CTNNA2: variants seen among roughly 807,000 people sequenced by gnomAD.
CTNNA2 encodes the protein catenin alpha 2.
Under a neutral mutation model 101.0 loss-of-function variants are expected in CTNNA2, and 42 were observed. That is an observed-to-expected ratio of 0.42 (90% confidence interval 0.32 to 0.54). The LOEUF is 0.54. CTNNA2 is among the 20% of genes least tolerant of loss of function. The pLI is 0.14. For synonymous variants in CTNNA2, 450 were observed against 456.4 expected, an observed-to-expected ratio of 0.99 and a Z score of 0.18; for missense variants, 871 against 1,223.1, an observed-to-expected ratio of 0.71 and a Z score of 4.29.
At chr2:79,571,563 G>C (rs1675460514) in intron 1 of CTNNA2, among the ~76,000 whole-genome samples, 1 of 152,026 alleles carries the variant, frequency 6.6e-6, no homozygotes, top group East Asian at 1.9e-4. Flanking sequence ...CTTCCTAACT[G>C]ATCTTTCTTC....
At chr2:79,840,996 C>G (rs1215142081) in intron 3 of CTNNA2, among the ~76,000 whole-genome samples, 3 of 152,228 alleles carry the variant, frequency 2.0e-5, no homozygotes, top group African/African-American at 7.2e-5. Context: ...GTCTTGATCT[C>G]CTGACCTCGT....
chr2:80,306,003 A>G (rs2149216253), intron 7 of CTNNA2, among the ~76,000 whole-genome samples: 1 of 152,364 alleles, frequency 6.6e-6, no homozygotes, highest in East Asian at 1.9e-4. Context: ...TACCAGAGCC[A>G]GGGTAGATAG....
intron 4 of CTNNA2, among the ~76,000 whole-genome samples, chr2:79,412,954 T>C (rs1678433826): frequency 6.6e-6 from 1 of 152,126 alleles, no homozygotes; most frequent in South Asian, 2.1e-4. Context: ...TATTTAATTC[T>C]TACAATAACA....
chr2:79,686,861 A>C (rs940582609), intron 2 of CTNNA2, among the ~76,000 whole-genome samples: 3 of 152,118 alleles, frequency 2.0e-5, no homozygotes, highest in Non-Finnish European at 2.9e-5. Flanking sequence ...CCTGAGAGAT[A>C]ATTAGAACTT....
At chr2:79,739,491 T>C in intron 2 of CTNNA2, among the ~76,000 whole-genome samples, 1 of 152,232 alleles carries the variant, frequency 6.6e-6, no homozygotes, top group Admixed American at 6.5e-5. Flanking sequence ...TCTGTCAAGC[T>C]CTTTCATTCA....
chr2:79,546,759 A>T (rs1294676244), intron 1 of CTNNA2, among the ~76,000 whole-genome samples: 1 of 152,176 alleles, frequency 6.6e-6, no homozygotes. Context: ...ATACTGATTG[A>T]TTGTACATTA....
At chr2:79,443,573 A>G (rs1032193852) in intron 4 of CTNNA2, among the ~76,000 whole-genome samples, 1 of 152,276 alleles carries the variant, frequency 6.6e-6, no homozygotes, top group Admixed American at 6.5e-5. Context: ...AGCCCAGTCA[A>G]GTTGACACAT....
At chr2:80,317,952 T>C (rs188104171) in intron 7 of CTNNA2, among the ~76,000 whole-genome samples, 1 of 152,246 alleles carries the variant, frequency 6.6e-6, no homozygotes, top group African/African-American at 2.4e-5. Flanking sequence ...TTCCATATTC[T>C]CTAGCCTCTG....
chr2:79,382,115 A>C (rs1678046402), intron 4 of CTNNA2, among the ~76,000 whole-genome samples: 1 of 152,052 alleles, frequency 6.6e-6, no homozygotes, highest in Non-Finnish European at 1.5e-5. Flanking sequence ...CAAGTAGAAC[A>C]AAAAGGTGGA....
intron 15 of CTNNA2, among the ~76,000 whole-genome samples, chr2:80,593,107 A>G (rs1241226976): frequency 6.6e-6 from 1 of 152,178 alleles, no homozygotes; most frequent in Non-Finnish European, 1.5e-5. Context: ...AACATACTCC[A>G]GATGGGACAA....
At chr2:79,606,791 A>G (rs1324070444) in intron 1 of CTNNA2, among the ~76,000 whole-genome samples, 2 of 152,222 alleles carry the variant, frequency 1.3e-5, no homozygotes, top group African/African-American at 4.8e-5. Flanking sequence ...ATGATGAACT[A>G]AACAATGTTA....
chr2:80,092,306 A>C (rs1699838949), intron 7 of CTNNA2, among the ~76,000 whole-genome samples: 1 of 152,158 alleles, frequency 6.6e-6, no homozygotes, highest in Non-Finnish European at 1.5e-5. Flanking sequence ...CCTCATCAGT[A>C]GGAGTCAAAG....
intron 7 of CTNNA2, among the ~76,000 whole-genome samples, chr2:80,129,300 G>T (rs1702292271): frequency 6.6e-6 from 1 of 152,196 alleles, no homozygotes; most frequent in South Asian, 2.1e-4. Flanking sequence ...CATTAAGCAG[G>T]AATTACCACT....
chr2:80,503,506 G>A (rs1443694925), intron 9 of CTNNA2, among the ~76,000 whole-genome samples: 1 of 152,138 alleles, frequency 6.6e-6, no homozygotes, highest in Non-Finnish European at 1.5e-5. Context: ...AGTGGGAGAT[G>A]GGGAGCCCAA....
intron 4 of CTNNA2, among the ~76,000 whole-genome samples, chr2:79,405,832 G>A (rs1348183774): frequency 6.6e-6 from 1 of 152,030 alleles, no homozygotes; most frequent in Non-Finnish European, 1.5e-5. Flanking sequence ...TAATAAATGA[G>A]TGTTGTTTTA....
At chr2:80,617,329 C>T (rs889486781) in intron 17 of CTNNA2, among the ~76,000 whole-genome samples, 1 of 151,430 alleles carries the variant, frequency 6.6e-6, no homozygotes, top group Non-Finnish European at 1.5e-5. Flanking sequence ...GCCAACTAGT[C>T]AATGATCCAA....
chr2:79,627,667 A>G (rs968601462), intron 1 of CTNNA2, among the ~76,000 whole-genome samples: 17 of 152,196 alleles, frequency 1.1e-4, no homozygotes, highest in African/African-American at 4.1e-4. Flanking sequence ...GAATTCTACT[A>G]TAGTGTACTT....
intron 3 of CTNNA2, among the ~76,000 whole-genome samples, chr2:79,348,139 T>G (rs1677304756): frequency 6.6e-6 from 1 of 152,128 alleles, no homozygotes; most frequent in Non-Finnish European, 1.5e-5. Flanking sequence ...AACAACAAAA[T>G]GCAAAACGAC....
At chr2:79,288,968 C>G (rs1393419705) in intron 2 of CTNNA2, among the ~76,000 whole-genome samples, 2 of 152,178 alleles carry the variant, frequency 1.3e-5, no homozygotes, top group Non-Finnish European at 2.9e-5. Flanking sequence ...TTGATAGTCA[C>G]TTTTTTTCTA....
Sources: allele counts gnomAD v4.1 joint callset (sites outside exome capture counted in the v4.1 genomes callset), GRCh38; gene constraint gnomAD v4.1.1; transcripts MANE v1.5; gene names NCBI Gene and HGNC (gene_info 2026-07-23, HGNC 2026-07-21).